Variants in ZBTB8A observed in about 807,000 individuals in gnomAD.
The protein encoded by ZBTB8A is zinc finger and BTB domain containing 8A, also known as zinc finger and BTB domain-containing protein 8A.
In ZBTB8A, 19 loss-of-function variants were observed where a neutral mutation model predicts 37.8. That is an observed-to-expected ratio of 0.50 (90% CI 0.35 to 0.74). The LOEUF is 0.74. ZBTB8A is among the 30% of genes least tolerant of loss of function. The probability of loss-of-function intolerance (pLI) is 0.01; values close to 1 mark genes in which losing one functional copy is unlikely to be tolerated. For synonymous variants in ZBTB8A, 181 were observed against 185.2 expected, an observed-to-expected ratio of 0.98 and a Z score of 0.19; for missense variants, 394 against 537.8, an observed-to-expected ratio of 0.73 and a Z score of 2.65.
intron 2 of ZBTB8A, among the ~76,000 whole-genome samples, chr1:32,592,386 CAAAAA>C (rs111414616): frequency 2.7e-5 from 4 of 149,312 alleles, no homozygotes; most frequent in Non-Finnish European, 4.5e-5. Context: ...AACAAAAAAA[CAAAAA>C]AAAACAGGCA....
intron 2 of ZBTB8A, 121 bp from the exon 3 acceptor site, chr1:32,592,810 A>G (rs1644500224): frequency 1.3e-6 from 1 of 795,274 alleles, no homozygotes; most frequent in African/African-American, 1.7e-5. Flanking sequence ...GCCCAGCCAC[A>G]GTGAGCTTTG....
intron 2 of ZBTB8A, among the ~76,000 whole-genome samples, chr1:32,567,036 C>A (rs1034157211): frequency 3.3e-5 from 5 of 152,106 alleles, no homozygotes; most frequent in Non-Finnish European, 7.4e-5. Flanking sequence ...TCTCGCATTG[C>A]TATAAAGAAC....
chr1:32,587,698 GAT>G (rs1046898462), intron 2 of ZBTB8A, among the ~76,000 whole-genome samples: 1 of 151,986 alleles, frequency 6.6e-6, no homozygotes, highest in African/African-American at 2.4e-5. Context: ...TCTTTCCTGG[GAT>G]ACAACTAAAA....
chr1:32,596,565 A>C (rs1644533471), intron 4 of ZBTB8A, among the ~76,000 whole-genome samples: 1 of 151,984 alleles, frequency 6.6e-6, no homozygotes, highest in East Asian at 1.9e-4. Flanking sequence ...TGAATGACAG[A>C]GTGAGACACT....
intron 2 of ZBTB8A, among the ~76,000 whole-genome samples, chr1:32,558,323 T>A (rs1189735173): frequency 6.6e-6 from 1 of 152,062 alleles, no homozygotes; most frequent in African/African-American, 2.4e-5. Context: ...TCTCTTTTTT[T>A]CTTCCTGTCT....
Position 32,600,521 on chromosome 1 carries a change from T to C in ZBTB8A, c.*102T>C. On this transcript the variant is annotated 3_prime_UTR_variant, in exon 5 of 5. Coordinates refer to ENST00000373510, the MANE Select transcript of ZBTB8A (RefSeq NM_001040441.3). Reference sequence around the variant, plus strand: ...AGTCTAGTTAACAAATTTATCACACTGACTTTAAAGAAATGATCTGATATA... The same window carrying C: ...AGTCTAGTTAACAAATTTATCACACCGACTTTAAAGAAATGATCTGATATA... 1.2e-6 allele frequency: 1 copy of C among 848,114 alleles called. No individual in the cohort carries two copies. The highest frequency in any genetic ancestry group is 1.8e-6 in the Non-Finnish European group (1 of 548,352). The allele number at this position is 848,114 out of a possible 1,614,324, so 52.5% of individuals were successfully genotyped here.
At position 32,602,445 on chromosome 1, in the gene ZBTB8A, A is replaced by T. The variant is rs1453181791; in HGVS notation, c.*2026A>T. ...AAGGTAAAATCTAAATATCCGAAGTAAAGAACTGAGCTTCATAAAGGTCTC... is the reference window on the plus strand; with the variant it reads ...AAGGTAAAATCTAAATATCCGAAGTTAAGAACTGAGCTTCATAAAGGTCTC... On this transcript the variant is annotated 3_prime_UTR_variant, in exon 5 of 5. Transcript: ENST00000373510. 1 of 152,248 alleles carries T rather than the reference A, an allele frequency of 6.6e-6. No individual in the cohort carries two copies. The highest frequency in any genetic ancestry group is 2.4e-5 in the African/African-American group (1 of 41,456). The allele number at this position is 152,248 out of a possible 1,614,324, so 9.4% of individuals were successfully genotyped here. A position where few individuals can be genotyped will look rare whatever the true frequency, so the allele number is the denominator to read the frequency against.
chr1:32,548,945 C>T (rs1223541557), intron 1 of ZBTB8A, among the ~76,000 whole-genome samples: 1 of 152,116 alleles, frequency 6.6e-6, no homozygotes, highest in East Asian at 1.9e-4. Flanking sequence ...GTAATCCCAG[C>T]ACTTTGGGAG....
chr1:32,556,525 C>A (rs1214729973), intron 2 of ZBTB8A, among the ~76,000 whole-genome samples: 1 of 152,132 alleles, frequency 6.6e-6, no homozygotes, highest in Admixed American at 6.6e-5. Context: ...CACCATCATG[C>A]CCAGCCAATT....
chr1:32,591,395 A>T lies in ZBTB8A; in HGVS notation c.-1-1536A>T, dbSNP rs535046126. On this transcript the variant is annotated intron_variant, in intron 2 of 4. Coordinates refer to ENST00000373510, the MANE Select transcript of ZBTB8A (RefSeq NM_001040441.3). ...CTGGCTAATTAAAATATATATATAT[A>T]TTTTGTAGAGACAGGGTCTTGCTAT... Among the ~76,000 whole-genome samples, 24 of 151,546 alleles carry T rather than the reference A, an allele frequency of 1.6e-4. No homozygotes were observed. In the South Asian group the frequency reaches 5.0e-3, roughly 32 times the overall value.
rs555574673 is a variant in ZBTB8A at position 32,604,602 on chromosome 1, T to A, written c.*4183T>A. ...AGACTTTTTAAAATTTAGGAACAAATGTTTCAATATTATATTTTCAGTAAT... is the reference window on the plus strand; with the variant it reads ...AGACTTTTTAAAATTTAGGAACAAAAGTTTCAATATTATATTTTCAGTAAT... On this transcript the variant is annotated 3_prime_UTR_variant, in exon 5 of 5. Coordinates refer to ENST00000373510, the MANE Select transcript of ZBTB8A (RefSeq NM_001040441.3). 6.6e-6 allele frequency: 1 copy of A among 152,280 alleles called. No homozygotes were observed. The highest frequency in any genetic ancestry group is 6.5e-5 in the Admixed American group (1 of 15,284). 9.4% of individuals were successfully genotyped at this position (152,280 alleles called of 1,614,324 possible).
rs2148206309 is a variant in ZBTB8A, at chr1:32,539,566, G to A, written c.-90G>A. 1 of 149,240 alleles carries A rather than the reference G, an allele frequency of 6.7e-6. No individual in the cohort carries two copies. Among genetic ancestry groups the A allele is most frequent in the African/African-American group, 2.4e-5 (1 of 41,204 alleles). The allele number at this position is 149,240 out of a possible 1,614,324, so 9.2% of individuals were successfully genotyped here. A position where few individuals can be genotyped will look rare whatever the true frequency, so the allele number is the denominator to read the frequency against. On this transcript the variant is annotated 5_prime_UTR_variant, in exon 1 of 5. Coordinates refer to ENST00000373510, the MANE Select transcript of ZBTB8A (RefSeq NM_001040441.3). The stretch of plus-strand genomic sequence containing the variant: ...GCGCGCGACCGGCCGGTGCGCCGCG[G>A]CCCGCGGTAAGTGGCTGCACGCGGC...
intron 1 of ZBTB8A, among the ~76,000 whole-genome samples, chr1:32,549,960 G>A (rs1363647893): frequency 2.0e-5 from 3 of 152,162 alleles, no homozygotes; most frequent in African/African-American, 4.8e-5. Context: ...TCTGCCTTCC[G>A]GATCTCACAG....
At chr1:32,554,539 G>A (rs976298046) in intron 2 of ZBTB8A, among the ~76,000 whole-genome samples, 2 of 148,436 alleles carry the variant, frequency 1.3e-5, no homozygotes, top group Non-Finnish European at 3.0e-5. Context: ...TGGCTCTGTC[G>A]GCCAGACTGG....
chr1:32,574,153 A>C (rs1381514806), intron 2 of ZBTB8A, among the ~76,000 whole-genome samples: 2 of 152,108 alleles, frequency 1.3e-5, no homozygotes, highest in Non-Finnish European at 2.9e-5. Flanking sequence ...TGCAAACAAC[A>C]CATTTTGATT....
At chr1:32,539,881 G>A (rs1644037766) in intron 1 of ZBTB8A, among the ~76,000 whole-genome samples, 1 of 149,716 alleles carries the variant, frequency 6.7e-6, no homozygotes, top group Non-Finnish European at 1.5e-5. Flanking sequence ...GGACGGCGCC[G>A]GGCGTGTCTG....
At chr1:32,548,518 G>A (rs1644124704) in intron 1 of ZBTB8A, among the ~76,000 whole-genome samples, 1 of 152,018 alleles carries the variant, frequency 6.6e-6, no homozygotes, top group South Asian at 2.1e-4. Context: ...TATTTTAGTA[G>A]AGATGGGGTT....
intron 2 of ZBTB8A, among the ~76,000 whole-genome samples, chr1:32,571,249 T>G (rs1489921623): frequency 6.6e-6 from 1 of 152,236 alleles, no homozygotes; most frequent in African/African-American, 2.4e-5. Context: ...TAGAAATAGT[T>G]GAGAGCACAA....
intron 2 of ZBTB8A, among the ~76,000 whole-genome samples, chr1:32,591,909 C>T (rs1026776167): frequency 9.2e-5 from 14 of 151,938 alleles, no homozygotes; most frequent in Admixed American, 3.3e-4. Flanking sequence ...CATGGCGCAA[C>T]CTCGGCTCAC....
Sources: allele counts gnomAD v4.1 joint callset (sites outside exome capture counted in the v4.1 genomes callset), GRCh38; gene constraint gnomAD v4.1.1; transcripts MANE v1.5; gene names NCBI Gene and HGNC (gene_info 2026-07-23, HGNC 2026-07-21).